Variants in FGF12 observed in about 807,000 individuals in gnomAD.
The protein encoded by FGF12 is fibroblast growth factor 12B.
In FGF12, 14 loss-of-function variants were observed where a neutral mutation model predicts 23.6. That is an observed-to-expected ratio of 0.59 (90% CI 0.39 to 0.93). The LOEUF (loss-of-function observed/expected upper bound fraction) is 0.93, where lower values mean the gene tolerates loss of function less well. FGF12 is among the 40% of genes least tolerant of loss of function. The pLI is 0.00. For missense variants in FGF12, 175 were observed against 217.8 expected (o/e 0.80, Z 1.24); for synonymous variants, 62 against 77.3 (o/e 0.80, Z 1.04).
chr3:192,309,825 G>A lies in FGF12; in HGVS notation c.228+25536C>T, dbSNP rs189620866. On this transcript the variant is annotated intron_variant, in intron 4 of 5. Transcript: ENST00000445105. ...CAGAGAATTATGCTGGCTTCTAGAG[G>A]GAACCCATCAGAAAATGTTATTCTA... is the stretch of plus-strand genomic sequence containing the variant. Among the ~76,000 whole-genome samples the A allele has an allele frequency of 7.3e-3, 1,117 of 152,144 alleles. 6 individuals are homozygous for A. Among genetic ancestry groups the A allele is most frequent in the Non-Finnish European group, 0.012 (810 of 67,982 alleles).
In FGF12 at chr3:192,167,761, ATATATATAAAATTTTT is replaced by A. The variant is rs1401720738; in HGVS notation, c.427+2681_427+2696del. ...TATATATATATATATATATATATAT[ATATATATAAAATTTTT>A]TTTTTTTTTTTTTTTTGAGAAAGAA... On this transcript the variant is annotated intron_variant, in intron 5 of 5. Coordinates refer to ENST00000445105, the MANE Select transcript of FGF12 (RefSeq NM_004113.6). Among the ~76,000 whole-genome samples the A allele has an allele frequency of 8.1e-4, 27 of 33,466 alleles. 2 individuals carry two copies. Among genetic ancestry groups the A allele is most frequent in the African/African-American group, 3.8e-3 (27 of 7,126 alleles). 22.0% of individuals were successfully genotyped at this position (33,466 alleles called of 152,430 possible). A position where few individuals can be genotyped will look rare whatever the true frequency, so the allele number is the denominator to read the frequency against.
rs115416359 is a variant in FGF12, at chr3:192,490,798, C to T, written c.14-130260G>A. On this transcript the variant is annotated intron_variant, in intron 2 of 5. Coordinates refer to ENST00000445105, the MANE Select transcript of FGF12 (RefSeq NM_004113.6). ...GCACCTAGGATTAAAAGAAGATGTA[C>T]TGTATTATTTCATTGATTCAAGTTT... 5.8e-3 allele frequency among the ~76,000 whole-genome samples: 877 copies of T among 152,194 alleles called. 9 individuals are homozygous for T. Among genetic ancestry groups the T allele is most frequent in the African/African-American group, 0.019 (806 of 41,532 alleles).
intron 2 of FGF12, among the ~76,000 whole-genome samples, chr3:192,489,892 C>A (rs1466983478): frequency 6.6e-6 from 1 of 151,948 alleles, no homozygotes; most frequent in Non-Finnish European, 1.5e-5. Flanking sequence ...AGGCTTAATA[C>A]CTGGGCGATG....
intron 5 of FGF12, among the ~76,000 whole-genome samples, chr3:192,169,843 A>AAAAC (rs1342417664): frequency 6.6e-6 from 1 of 151,250 alleles, no homozygotes; most frequent in Non-Finnish European, 1.5e-5. Flanking sequence ...CAGAAAAAAA[A>AAAAC]AAACAAAAAA....
intron 2 of FGF12, among the ~76,000 whole-genome samples, chr3:192,726,590 T>C (rs1719223049): frequency 1.3e-5 from 2 of 152,148 alleles, no homozygotes; most frequent in African/African-American, 2.4e-5. Flanking sequence ...TGCATTATGC[T>C]TGGAAGCCAA....
intron 2 of FGF12, among the ~76,000 whole-genome samples, chr3:192,500,944 C>T (rs891067115): frequency 1.3e-5 from 2 of 152,190 alleles, no homozygotes; most frequent in East Asian, 1.9e-4. Context: ...ACCCAGGCAA[C>T]GTGGCTCCAT....
At chr3:192,318,969 A>G (rs1716386732) in intron 4 of FGF12, among the ~76,000 whole-genome samples, 1 of 140,838 alleles carries the variant, frequency 7.1e-6, no homozygotes, top group Non-Finnish European at 1.7e-5. Context: ...AGGGGGAAAA[A>G]CAAAACAAAA....
intron 2 of FGF12, among the ~76,000 whole-genome samples, chr3:192,725,463 C>G (rs1209119741): frequency 6.6e-6 from 1 of 152,030 alleles, no homozygotes; most frequent in Admixed American, 6.6e-5. Flanking sequence ...GATTCTTTCT[C>G]CTTTCTGAAT....
At chr3:192,676,361 T>C (rs1176256092) in intron 2 of FGF12, among the ~76,000 whole-genome samples, 2 of 152,100 alleles carry the variant, frequency 1.3e-5, no homozygotes, top group African/African-American at 2.4e-5. Flanking sequence ...CAACACCAAC[T>C]CCTCTCTTTA....
intron 2 of FGF12, among the ~76,000 whole-genome samples, chr3:192,622,983 A>G (rs1577084015): frequency 6.6e-6 from 1 of 152,236 alleles, no homozygotes; most frequent in Admixed American, 6.5e-5. Flanking sequence ...ACCAATTTCT[A>G]TATCAAACCT....
At chr3:192,247,913 T>C (rs1711733645) in intron 4 of FGF12, among the ~76,000 whole-genome samples, 1 of 152,216 alleles carries the variant, frequency 6.6e-6, no homozygotes, top group African/African-American at 2.4e-5. Context: ...ACACATATTG[T>C]AATGTCTAAA....
At chr3:192,422,808 A>G (rs1721574212) in intron 2 of FGF12, among the ~76,000 whole-genome samples, 1 of 152,178 alleles carries the variant, frequency 6.6e-6, no homozygotes, top group South Asian at 2.1e-4. Context: ...CCTCTTAGTA[A>G]TTGATGAATC....
At chr3:192,553,147 T>C (rs1163390252) in intron 2 of FGF12, among the ~76,000 whole-genome samples, 1 of 152,174 alleles carries the variant, frequency 6.6e-6, no homozygotes, top group Non-Finnish European at 1.5e-5. Context: ...GATACCAGAT[T>C]GAAGCACAGA....
chr3:192,362,093 A>G (rs1261787516), intron 2 of FGF12, among the ~76,000 whole-genome samples: 1 of 152,190 alleles, frequency 6.6e-6, no homozygotes, highest in African/African-American at 2.4e-5. Context: ...CTTTGAGCAC[A>G]TTAGAATCCT....
At chr3:192,343,960 A>T in intron 3 of FGF12, among the ~76,000 whole-genome samples, 1 of 152,128 alleles carries the variant, frequency 6.6e-6, no homozygotes, top group Non-Finnish European at 1.5e-5. Flanking sequence ...CTTTTAAGTC[A>T]AGGAAATAAG....
intron 2 of FGF12, among the ~76,000 whole-genome samples, chr3:192,541,601 A>G (rs953497814): frequency 2.6e-5 from 4 of 152,102 alleles, no homozygotes; most frequent in African/African-American, 9.7e-5. Context: ...GTTTTTCTGT[A>G]TACTTACTAT....
intron 4 of FGF12, among the ~76,000 whole-genome samples, chr3:192,197,096 G>C (rs1414322212): frequency 2.0e-5 from 3 of 152,180 alleles, no homozygotes; most frequent in Non-Finnish European, 4.4e-5. Flanking sequence ...ATGGATTACT[G>C]TTCCTATTGA....
At chr3:192,594,103 A>T (rs1294352525) in intron 2 of FGF12, among the ~76,000 whole-genome samples, 1 of 151,900 alleles carries the variant, frequency 6.6e-6, no homozygotes, top group Non-Finnish European at 1.5e-5. Flanking sequence ...TCTGGTAAGG[A>T]CATTTGAACA....
At chr3:192,167,769 A>ATAT (rs1553845519) in intron 5 of FGF12, among the ~76,000 whole-genome samples, 602 of 38,708 alleles carry the variant, frequency 0.016, 62 homozygotes, top group Admixed American at 0.031. Flanking sequence ...ATATATATAT[A>ATAT]AAATTTTTTT....
Sources: allele counts gnomAD v4.1 joint callset (sites outside exome capture counted in the v4.1 genomes callset), GRCh38; gene constraint gnomAD v4.1.1; transcripts MANE v1.5; gene names NCBI Gene and HGNC (gene_info 2026-07-23, HGNC 2026-07-21).